Variants in NEGR1 observed in about 807,000 individuals in gnomAD.
NEGR1 encodes the protein neuronal growth regulator 1.
NEGR1 carries 10 observed loss-of-function variants against 40.9 expected under a neutral mutation model. The ratio of observed to expected loss-of-function variants is 0.24; its 90% confidence interval spans 0.15 to 0.42. The LOEUF (loss-of-function observed/expected upper bound fraction) is 0.42. Among genes scored for constraint, NEGR1 ranks in the 10% least tolerant of loss-of-function variants. NEGR1 has a pLI of 1.00. For missense variants in NEGR1, 352 were observed against 438.9 expected, an observed-to-expected ratio of 0.80 and a Z score of 1.77; for synonymous variants, 185 against 166.8, an observed-to-expected ratio of 1.11 and a Z score of -0.84.
At chr1:72,083,773 A>G (rs1480367002) in intron 1 of NEGR1, among the ~76,000 whole-genome samples, 6 of 151,948 alleles carry the variant, frequency 3.9e-5, no homozygotes. Context: ...AGCAAAATGG[A>G]GTGGAAAGTA....
intron 1 of NEGR1, among the ~76,000 whole-genome samples, chr1:72,256,839 TA>T (rs1655285941): frequency 1.3e-5 from 2 of 152,216 alleles, no homozygotes; most frequent in Admixed American, 6.5e-5. Flanking sequence ...GAATAGCTTC[TA>T]AAGTAACACA....
At chr1:71,505,018 G>T (rs1647022806) in intron 6 of NEGR1, among the ~76,000 whole-genome samples, 1 of 152,020 alleles carries the variant, frequency 6.6e-6, no homozygotes, top group African/African-American at 2.4e-5. Flanking sequence ...CACCCTTACA[G>T]ATTAAACTAA....
At chr1:71,600,190 T>A (rs1023463249) in intron 5 of NEGR1, among the ~76,000 whole-genome samples, 3 of 152,316 alleles carry the variant, frequency 2.0e-5, no homozygotes, top group Admixed American at 2.0e-4. Flanking sequence ...GAAAGTGTGT[T>A]AAAATAAGAA....
At chr1:71,926,355 A>AG (rs1645773053) in intron 2 of NEGR1, among the ~76,000 whole-genome samples, 1 of 151,744 alleles carries the variant, frequency 6.6e-6, no homozygotes, top group South Asian at 2.1e-4. Context: ...TGAAAAAAAA[A>AG]AGGATAAAGT....
chr1:71,759,102 A>G (rs1172430048), intron 3 of NEGR1, among the ~76,000 whole-genome samples: 1 of 152,106 alleles, frequency 6.6e-6, no homozygotes, highest in African/African-American at 2.4e-5. Context: ...TGCTGAATAA[A>G]TAATACTTAA....
chr1:72,023,810 A>G (rs1458887803), intron 1 of NEGR1, among the ~76,000 whole-genome samples: 1 of 152,106 alleles, frequency 6.6e-6, no homozygotes, highest in African/African-American at 2.4e-5. Flanking sequence ...TGGTAGGAGT[A>G]TAAGGGACTA....
At chr1:71,869,972 C>T (rs552006299) in intron 2 of NEGR1, among the ~76,000 whole-genome samples, 9 of 151,704 alleles carry the variant, frequency 5.9e-5, no homozygotes, top group South Asian at 4.2e-4. Flanking sequence ...CTCCACCTCC[C>T]GGGTTCATGT....
chr1:71,561,178 C>T (rs1040015702), intron 6 of NEGR1, among the ~76,000 whole-genome samples: 4 of 151,624 alleles, frequency 2.6e-5, no homozygotes, highest in Non-Finnish European at 4.4e-5. Context: ...CTAGCCAATA[C>T]GGAGACCAAG....
intron 1 of NEGR1, among the ~76,000 whole-genome samples, chr1:72,186,188 C>A (rs967594030): frequency 1.3e-5 from 2 of 151,800 alleles, no homozygotes; most frequent in East Asian, 3.9e-4. Flanking sequence ...AAGTTTACAT[C>A]ATTTGCCACC....
rs186730519 is a variant in NEGR1, at chr1:72,206,391, C to T, written c.176+75928G>A. Among the ~76,000 whole-genome samples, 4 of 152,104 alleles carry T rather than the reference C, an allele frequency of 2.6e-5. No individual in the cohort carries two copies. In the East Asian group the frequency reaches 7.7e-4, roughly 29 times the overall value. On this transcript the variant is annotated intron_variant, in intron 1 of 6. Coordinates refer to ENST00000357731, the MANE Select transcript of NEGR1 (RefSeq NM_173808.3). ...ACTTGAATATCCAAGAAATACCATGCCCTAAAGTTCATTGTAAGTATTCAG... is the reference window on the plus strand; with the variant it reads ...ACTTGAATATCCAAGAAATACCATGTCCTAAAGTTCATTGTAAGTATTCAG...
At chr1:72,061,043 G>T (rs1243049213) in intron 1 of NEGR1, among the ~76,000 whole-genome samples, 3 of 151,602 alleles carry the variant, frequency 2.0e-5, no homozygotes, top group Non-Finnish European at 4.4e-5. Flanking sequence ...GGAAATAAAG[G>T]GAGACTTGTG....
chr1:72,245,007 G>A (rs924067914), intron 1 of NEGR1, among the ~76,000 whole-genome samples: 2 of 152,006 alleles, frequency 1.3e-5, no homozygotes, highest in Admixed American at 6.6e-5. Flanking sequence ...TAGTTAGACC[G>A]TAAAGAGCAT....
intron 4 of NEGR1, among the ~76,000 whole-genome samples, chr1:71,620,499 C>T (rs946209076): frequency 2.6e-5 from 4 of 151,950 alleles, no homozygotes; most frequent in African/African-American, 9.7e-5. Flanking sequence ...TACTTGAAGA[C>T]AGGTTGAAAC....
intron 3 of NEGR1, among the ~76,000 whole-genome samples, chr1:71,723,343 C>G (rs1000866933): frequency 6.6e-6 from 1 of 152,006 alleles, no homozygotes; most frequent in Non-Finnish European, 1.5e-5. Context: ...TTTTGGCTGG[C>G]CCCTGATAGA....
intron 6 of NEGR1, among the ~76,000 whole-genome samples, chr1:71,409,516 C>T (rs557857646): frequency 1.2e-4 from 18 of 152,096 alleles, no homozygotes; most frequent in African/African-American, 4.3e-4. Flanking sequence ...CTTGAAAATG[C>T]GTTTTTGGGC....
At chr1:72,036,009 A>G (rs1238063747) in intron 1 of NEGR1, among the ~76,000 whole-genome samples, 1 of 152,208 alleles carries the variant, frequency 6.6e-6, no homozygotes, top group Non-Finnish European at 1.5e-5. Context: ...TTTGAACATA[A>G]ATAATTGCAT....
intron 1 of NEGR1, among the ~76,000 whole-genome samples, chr1:72,248,193 A>G (rs1654963447): frequency 6.6e-6 from 1 of 152,134 alleles, no homozygotes; most frequent in Non-Finnish European, 1.5e-5. Context: ...CATACAAACT[A>G]TATCTCAATA....
At chr1:71,765,117 T>A (rs1656076656) in intron 3 of NEGR1, among the ~76,000 whole-genome samples, 2 of 152,012 alleles carry the variant, frequency 1.3e-5, no homozygotes, top group African/African-American at 4.8e-5. Flanking sequence ...AACTGAGAAG[T>A]ATGCTCAGCA....
At chr1:71,701,075 C>A (rs754863130) in intron 3 of NEGR1, among the ~76,000 whole-genome samples, 54 of 152,010 alleles carry the variant, frequency 3.6e-4, no homozygotes, top group Non-Finnish European at 7.2e-4. Context: ...CCTATCAACA[C>A]CTTGCTTTGA....
Sources: allele counts gnomAD v4.1 joint callset (sites outside exome capture counted in the v4.1 genomes callset), GRCh38; gene constraint gnomAD v4.1.1; transcripts MANE v1.5; gene names NCBI Gene and HGNC (gene_info 2026-07-23, HGNC 2026-07-21).